FAF2: variants seen among roughly 807,000 people sequenced by gnomAD.
FAF2 encodes FAS-associated factor 2.
FAF2 carries 9 observed loss-of-function variants against 62.3 expected under a neutral mutation model. The observed-to-expected ratio is 0.14, with a 90% CI of 0.09 to 0.25. FAF2 has a LOEUF of 0.25. Ranked by LOEUF, FAF2 falls within the 10% of genes least tolerant of loss-of-function variation. The probability of loss-of-function intolerance (pLI) is 1.00; values close to 1 mark genes in which losing one functional copy is unlikely to be tolerated. For synonymous variants in FAF2, 202 were observed against 198.0 expected, an observed-to-expected ratio of 1.02 and a Z score of -0.17; for missense variants, 368 against 556.2, an observed-to-expected ratio of 0.66 and a Z score of 3.40.
chr5:176,491,602 G>T (rs145031592), intron 4 of FAF2, among the ~76,000 whole-genome samples: 1 of 152,310 alleles, frequency 6.6e-6, no homozygotes, highest in African/African-American at 2.4e-5. Flanking sequence ...GGAGGGGCAA[G>T]TAGGACAACC....
intron 4 of FAF2, 58 bp from the exon 5 acceptor site, chr5:176,492,136 C>A: frequency 1.2e-6 from 2 of 1,606,414 alleles, no homozygotes; most frequent in South Asian, 1.1e-5. Flanking sequence ...CAAATTGGCC[C>A]ACTCGATATG....
chr5:176,500,734 T>C (rs962350016), intron 10 of FAF2, among the ~76,000 whole-genome samples: 4 of 152,218 alleles, frequency 2.6e-5, no homozygotes, highest in Non-Finnish European at 5.9e-5. Context: ...CCTCACAGCA[T>C]GAGGATCAAA....
Position 176,506,863 on chromosome 5 carries a change from A to G in FAF2, c.1251A>G (p.Ser417=), listed in dbSNP as rs772524830. ...FPRRVLPCIP[S]EEWPNPPTLQ... is the part of the protein sequence containing the mutation. ...GGCGAGTGCTGCCCTGCATCCCTTC[A>G]GAGGAGTGGCCCAATCCCCCTACGC... Residue 417 remains serine, a synonymous_variant, in exon 11 of 11, where the codon TCA becomes TCG. Coordinates refer to ENST00000261942, the MANE Select transcript of FAF2 (RefSeq NM_014613.3). 2 of 1,613,952 alleles carry G rather than the reference A, an allele frequency of 1.2e-6. No individual in the cohort carries two copies. Among genetic ancestry groups the G allele is most frequent in the African/African-American group, 2.7e-5 (2 of 74,910 alleles).
chr5:176,472,770 T>C (rs1259652645), intron 1 of FAF2, among the ~76,000 whole-genome samples: 1 of 142,156 alleles, frequency 7.0e-6, no homozygotes, highest in East Asian at 2.1e-4. Context: ...GAAAGAAAAA[T>C]AGGGCTCATA....
At chr5:176,470,005 G>A (rs1758537073) in intron 1 of FAF2, among the ~76,000 whole-genome samples, 1 of 152,176 alleles carries the variant, frequency 6.6e-6, no homozygotes, top group Non-Finnish European at 1.5e-5. Flanking sequence ...AGCCAGGAGA[G>A]AAAACACCAG....
intron 3 of FAF2, among the ~76,000 whole-genome samples, chr5:176,487,171 G>A (rs921478016): frequency 1.3e-5 from 2 of 152,108 alleles, no homozygotes; most frequent in Non-Finnish European, 2.9e-5. Context: ...TTTTTGTGGA[G>A]TACTTGATTT....
At position 176,504,532 on chromosome 5, in the gene FAF2, C is replaced by T. The variant is rs534615750; in HGVS notation, c.1156-2236C>T. 3.1e-3 allele frequency among the ~76,000 whole-genome samples: 466 copies of T among 151,858 alleles called. 3 individuals carry two copies. Among genetic ancestry groups the T allele is most frequent in the African/African-American group, 0.011 (451 of 41,400 alleles). Reference sequence around the variant, plus strand: ...CCAGGAGGCAGAAGTTGCAGTGAGCCGAGATCCTGCCACTGCACTCCAACC... The same window carrying T: ...CCAGGAGGCAGAAGTTGCAGTGAGCTGAGATCCTGCCACTGCACTCCAACC... On this transcript the variant is annotated intron_variant, in intron 10 of 10. Coordinates refer to ENST00000261942, the MANE Select transcript of FAF2 (RefSeq NM_014613.3).
Position 176,478,109 on chromosome 5 carries a change from CTG to C in FAF2, c.64-1076_64-1075del, listed in dbSNP as rs561668817. The stretch of plus-strand genomic sequence containing the variant: ...TTTGAAGGAATGCTAGAGTTTAGCT[CTG>C]TGGAAATTCTGGGCATGAGATGTAT... On this transcript the variant is annotated intron_variant, in intron 1 of 10. Transcript: ENST00000261942. Among the ~76,000 whole-genome samples, 444 of 152,280 alleles carry C rather than the reference CTG, an allele frequency of 2.9e-3. 1 individual carries two copies. The highest frequency in any genetic ancestry group is 5.3e-3 in the Non-Finnish European group (360 of 68,034).
intron 5 of FAF2, among the ~76,000 whole-genome samples, chr5:176,493,450 C>T (rs1581072979): frequency 2.0e-5 from 3 of 152,248 alleles, no homozygotes; most frequent in Admixed American, 6.5e-5. Context: ...TGCAGGAGCA[C>T]GCACAGGAGT....
chr5:176,470,006 A>G (rs1474082005), intron 1 of FAF2, among the ~76,000 whole-genome samples: 1 of 152,216 alleles, frequency 6.6e-6, no homozygotes, highest in Non-Finnish European at 1.5e-5. Context: ...GCCAGGAGAG[A>G]AAACACCAGA....
intron 3 of FAF2, among the ~76,000 whole-genome samples, chr5:176,488,512 C>A (rs1292125409): frequency 6.6e-6 from 1 of 152,140 alleles, no homozygotes; most frequent in Non-Finnish European, 1.5e-5. Flanking sequence ...ACCTCCGCCT[C>A]CTGGGTTTAA....
chr5:176,479,180 C>G lies in FAF2; in HGVS notation c.64-8C>G. 1 of 1,613,434 alleles carries G rather than the reference C, an allele frequency of 6.2e-7. No individual in the cohort carries two copies. The highest frequency in any genetic ancestry group is 1.1e-5 in the South Asian group (1 of 91,072). ...CTCTAAGTAACTTGTTTTCATCCTT[C>G]TTTTCAGGATCTCACTGGCATCGAA... On this transcript the variant is annotated splice_region_variant and splice_polypyrimidine_tract_variant and intron_variant, in intron 1 of 10. Coordinates refer to ENST00000261942, the MANE Select transcript of FAF2 (RefSeq NM_014613.3).
intron 10 of FAF2, among the ~76,000 whole-genome samples, chr5:176,506,031 A>G (rs2113750577): frequency 6.6e-6 from 1 of 152,094 alleles, no homozygotes; most frequent in East Asian, 1.9e-4. Flanking sequence ...TCTGCTAAAA[A>G]TACGAAAAAA....
intron 3 of FAF2, among the ~76,000 whole-genome samples, chr5:176,487,047 T>C (rs1009830836): frequency 1.3e-5 from 2 of 152,190 alleles, no homozygotes; most frequent in African/African-American, 4.8e-5. Flanking sequence ...GGACTTTCTT[T>C]TTCTTACCCC....
intron 1 of FAF2, among the ~76,000 whole-genome samples, chr5:176,451,503 G>A (rs1023912658): frequency 1.3e-5 from 2 of 151,870 alleles, no homozygotes; most frequent in African/African-American, 4.8e-5. Context: ...ACAGATGTGA[G>A]CCACCACACC....
chr5:176,480,605 G>T (rs1465744750), intron 2 of FAF2, among the ~76,000 whole-genome samples: 1 of 151,846 alleles, frequency 6.6e-6, no homozygotes, highest in African/African-American at 2.4e-5. Context: ...TGGAGACGAG[G>T]TCTTGCTGTG....
At chr5:176,452,851 T>G (rs1439165757) in intron 1 of FAF2, among the ~76,000 whole-genome samples, 1 of 152,218 alleles carries the variant, frequency 6.6e-6, no homozygotes, top group Admixed American at 6.5e-5. Context: ...GTTTCAGGTT[T>G]GCTTCATTAG....
chr5:176,450,195 G>A (rs1393699393), intron 1 of FAF2, among the ~76,000 whole-genome samples: 4 of 152,194 alleles, frequency 2.6e-5, no homozygotes, highest in East Asian at 1.9e-4. Flanking sequence ...TGAGCAGTGT[G>A]TTGGAAGTGT....
chr5:176,448,553 T>G, intron 1 of FAF2, 83 bp downstream of exon 1: 2 of 1,354,820 alleles, frequency 1.5e-6, no homozygotes, highest in Non-Finnish European at 2.0e-6. Context: ...CTCCTCAGAT[T>G]GGGTTCAGAT....
Sources: gnomAD v4.1 joint callset for allele counts (sites outside exome capture counted in the v4.1 genomes callset) on GRCh38, gnomAD v4.1.1 for gene constraint, MANE v1.5 for transcripts, NCBI Gene and HGNC (gene_info 2026-07-23, HGNC 2026-07-21) for gene names.